The following PCDHGA1 variants were observed in gnomAD, a reference collection of about 807,000 sequenced individuals.
PCDHGA1 encodes the protein protocadherin gamma-A1.
Under a neutral mutation model 58.0 loss-of-function variants are expected in PCDHGA1, and 32 were observed. The ratio of observed to expected loss-of-function variants is 0.55; its 90% CI spans 0.42 to 0.74. The LOEUF (loss-of-function observed/expected upper bound fraction) is 0.74, where lower values mean the gene tolerates loss of function less well. Among genes scored for constraint, PCDHGA1 ranks in the 30% least tolerant of loss-of-function variants. The pLI is 0.00. For synonymous variants in PCDHGA1, 498 were observed against 501.1 expected, an observed-to-expected ratio of 0.99 and a Z score of 0.08; for missense variants, 1,205 against 1,182.3, an observed-to-expected ratio of 1.02 and a Z score of -0.28.
At chr5:141,483,753 G>A (rs1316976446) in intron 1 of PCDHGA1, among the ~76,000 whole-genome samples, 1 of 152,082 alleles carries the variant, frequency 6.6e-6, no homozygotes, top group Non-Finnish European at 1.5e-5. Flanking sequence ...CCTGAGGATC[G>A]AGGCTTGGAA....
intron 1 of PCDHGA1, chr5:141,362,628 C>T (rs1366089431): frequency 1.0e-5 from 15 of 1,498,628 alleles, no homozygotes; most frequent in African/African-American, 7.0e-5. Context: ...AGTTCCACTG[C>T]GTATTTCTTT....
intron 1 of PCDHGA1, chr5:141,389,363 C>T (rs776814041): frequency 1.2e-6 from 2 of 1,613,868 alleles, no homozygotes; most frequent in South Asian, 2.2e-5. Flanking sequence ...TGGCCAGTGA[C>T]CTGGAGCAGC....
intron 1 of PCDHGA1, among the ~76,000 whole-genome samples, chr5:141,473,383 C>A (rs976400317): frequency 3.3e-5 from 5 of 152,200 alleles, no homozygotes; most frequent in African/African-American, 9.6e-5. Context: ...GGTCCCTGCC[C>A]TCCTGGAGCT....
chr5:141,372,626 C>A lies in PCDHGA1; in HGVS notation c.2421+39521C>A, dbSNP rs1385028650. Reference sequence around the variant, plus strand: ...TACCTGGAGTTCTCCCCACCTACAGCGAAAGGACTTTGCCTTATTCCTACA... The same window carrying A: ...TACCTGGAGTTCTCCCCACCTACAGAGAAAGGACTTTGCCTTATTCCTACA... On this transcript the variant is annotated intron_variant, in intron 1 of 3. Coordinates refer to ENST00000517417, the MANE Select transcript of PCDHGA1 (RefSeq NM_018912.3). 5 of 1,613,792 alleles carry A rather than the reference C, an allele frequency of 3.1e-6. No individual in the cohort carries two copies. The African/African-American group carries it at 6.7e-5, about 22-fold the overall frequency.
In PCDHGA1 at chr5:141,431,213, TTCCC is replaced by T. The variant is rs1373533151; in HGVS notation, c.2422-63591_2422-63588del. 1 of 1,614,142 alleles carries T rather than the reference TTCCC, an allele frequency of 6.2e-7. No homozygotes were observed. Among genetic ancestry groups the T allele is most frequent in the Admixed American group, 1.7e-5 (1 of 60,020 alleles). On this transcript the variant is annotated intron_variant, in intron 1 of 3. Transcript: ENST00000517417. This position sits in a 1 kb window ranked among gnomAD's most constrained non-coding sequence, Gnocchi z 4.8. ...TGAAAATGCAGCCACTGAGATGCGGTTCCCTCTACCCCACGCCTGGGATCCGGAT... is the reference window on the plus strand; with the variant it reads ...TGAAAATGCAGCCACTGAGATGCGGTTCTACCCCACGCCTGGGATCCGGAT...
At chr5:141,365,844 T>C (rs1264460635) in intron 1 of PCDHGA1, 2 of 1,613,980 alleles carry the variant, frequency 1.2e-6, no homozygotes, top group Non-Finnish European at 1.7e-6. Context: ...TCCTCCTATG[T>C]ATCCATTAAC....
At chr5:141,383,749 A>G in intron 1 of PCDHGA1, 1 of 1,614,008 alleles carries the variant, frequency 6.2e-7, no homozygotes, top group South Asian at 1.1e-5. Context: ...TTTTCGGAAA[A>G]TAACTCCTAA....
chr5:141,417,828 A>G (rs1439385565), intron 1 of PCDHGA1: 1 of 1,521,792 alleles, frequency 6.6e-7, no homozygotes, highest in Non-Finnish European at 8.8e-7. Context: ...CCAACTGGAA[A>G]AGCGGGGACC....
At chr5:141,362,569 T>G (rs779199612) in intron 1 of PCDHGA1, 18 of 1,607,524 alleles carry the variant, frequency 1.1e-5, no homozygotes, top group Admixed American at 1.7e-5. Context: ...GAGCTTTAAT[T>G]AATTTATTTT....
rs771858105 is a variant in PCDHGA1 at position 141,428,074 on chromosome 5, G to A, written c.2422-66733G>A. 4.4e-6 allele frequency: 7 copies of A among 1,609,112 alleles called. No homozygotes were observed. The African/African-American group carries it at 5.3e-5, about 12-fold the overall frequency. On this transcript the variant is annotated intron_variant, in intron 1 of 3. Transcript: ENST00000517417. The stretch of plus-strand genomic sequence containing the variant: ...GTGGTGGCGGTGGACGCAGATTCGG[G>A]ACACAACGCTTGGCTGTCCTACCAC...
chr5:141,495,939 G>A (rs1408330065), intron 2 of PCDHGA1, among the ~76,000 whole-genome samples: 1 of 151,994 alleles, frequency 6.6e-6, no homozygotes, highest in Non-Finnish European at 1.5e-5. Context: ...TCTGGTCTCT[G>A]TGCCTGTTGT....
intron 1 of PCDHGA1, chr5:141,372,682 C>A (rs1169357229): frequency 1.9e-6 from 3 of 1,614,010 alleles, no homozygotes; most frequent in Non-Finnish European, 2.5e-6. Flanking sequence ...TCCTCAAACA[C>A]CGAGTTTAAA....
chr5:141,481,445 T>C (rs760413279), intron 1 of PCDHGA1, among the ~76,000 whole-genome samples: 2 of 152,260 alleles, frequency 1.3e-5, no homozygotes, highest in Non-Finnish European at 2.9e-5. Context: ...GTTTAGTACA[T>C]GTAAATACAC....
At chr5:141,404,072 C>T (rs779657331) in intron 1 of PCDHGA1, 1 of 1,613,626 alleles carries the variant, frequency 6.2e-7, no homozygotes, top group Non-Finnish European at 8.5e-7. Flanking sequence ...TGCTCATGAC[C>T]GAGACTCCGG....
intron 1 of PCDHGA1, among the ~76,000 whole-genome samples, chr5:141,353,193 TG>T (rs957597858): frequency 6.6e-6 from 1 of 152,202 alleles, no homozygotes; most frequent in African/African-American, 2.4e-5. Flanking sequence ...TGGCAAATCT[TG>T]CTAAAGAGAC....
At chr5:141,371,809 C>A (rs1768063576) in intron 1 of PCDHGA1, 2 of 1,613,792 alleles carry the variant, frequency 1.2e-6, no homozygotes. Flanking sequence ...GCCTCCATTG[C>A]GCATGTCAGA....
At chr5:141,408,645 C>T (rs763904747) in intron 1 of PCDHGA1, 10 of 1,613,890 alleles carry the variant, frequency 6.2e-6, no homozygotes, top group Non-Finnish European at 8.5e-6. Flanking sequence ...TCTGCATCCG[C>T]TGGTACACGA....
intron 2 of PCDHGA1, among the ~76,000 whole-genome samples, chr5:141,498,618 G>A (rs191513899): frequency 1.3e-5 from 2 of 152,220 alleles, no homozygotes; most frequent in East Asian, 3.9e-4. Context: ...TCAGCACTGG[G>A]TCACACTGCC....
intron 1 of PCDHGA1, chr5:141,375,243 C>G: frequency 6.2e-7 from 1 of 1,613,896 alleles, no homozygotes; most frequent in Non-Finnish European, 8.5e-7. Flanking sequence ...TGTTCCATCC[C>G]GAGAAGTCTC....
Sources: allele counts gnomAD v4.1 joint callset (sites outside exome capture counted in the v4.1 genomes callset), GRCh38; gene constraint gnomAD v4.1.1; non-coding constraint Gnocchi (gnomAD v3.1); transcripts MANE v1.5; gene names NCBI Gene and HGNC (gene_info 2026-07-23, HGNC 2026-07-21).